Variants in RBM6 observed in about 807,000 individuals in gnomAD.
The protein encoded by RBM6 is RNA binding motif protein 6.
A neutral mutation model predicts 140.4 loss-of-function variants in RBM6; 23 were observed. The ratio of observed to expected loss-of-function variants is 0.16; its 90% CI spans 0.12 to 0.23. RBM6 has a LOEUF of 0.23. RBM6 is among the 10% of genes least tolerant of loss of function. The pLI is 1.00. For synonymous variants in RBM6, 439 were observed against 475.6 expected, an observed-to-expected ratio of 0.92 and a Z score of 1.00; for missense variants, 1,139 against 1,386.7, an observed-to-expected ratio of 0.82 and a Z score of 2.84.
chr3:50,038,895 A>G (rs975869864), intron 6 of RBM6, among the ~76,000 whole-genome samples: 3 of 152,174 alleles, frequency 2.0e-5, no homozygotes, highest in African/African-American at 7.2e-5. Flanking sequence ...CTCTGTGTTG[A>G]GGTGGGGGAT....
At chr3:50,031,682 A>G (rs1401929084) in intron 6 of RBM6, among the ~76,000 whole-genome samples, 1 of 152,160 alleles carries the variant, frequency 6.6e-6, no homozygotes, top group African/African-American at 2.4e-5. Flanking sequence ...ATACATGTGT[A>G]ACAAACCTGC....
chr3:49,975,270 T>G lies in RBM6; in HGVS notation c.1414-53T>G, dbSNP rs1036366682. ...AAAAACTGTTAGGGAAAATCTGATATTCAGTGTTTGATTATGATTTGTATC... is the reference window on the plus strand; with the variant it reads ...AAAAACTGTTAGGGAAAATCTGATAGTCAGTGTTTGATTATGATTTGTATC... On this transcript the variant is annotated intron_variant, in intron 4 of 20. Coordinates refer to ENST00000266022, the MANE Select transcript of RBM6 (RefSeq NM_005777.3). The G allele has an allele frequency of 3.6e-6, 5 of 1,382,712 alleles. No homozygotes were observed. The African/African-American group carries it at 7.1e-5, about 20-fold the overall frequency. 85.7% of individuals were successfully genotyped at this position (1,382,712 alleles called of 1,614,324 possible). A position where few individuals can be genotyped will look rare whatever the true frequency, so the allele number is the denominator to read the frequency against.
intron 18 of RBM6, among the ~76,000 whole-genome samples, chr3:50,069,884 GTA>G (rs1306976480): frequency 3.9e-5 from 6 of 152,178 alleles, no homozygotes; most frequent in Non-Finnish European, 8.8e-5. Flanking sequence ...CCGAGGGCTT[GTA>G]TAGTGGAGGG....
chr3:49,959,839 A>G (rs1575551332), intron 1 of RBM6, among the ~76,000 whole-genome samples: 1 of 151,932 alleles, frequency 6.6e-6, no homozygotes, highest in Non-Finnish European at 1.5e-5. Context: ...CCCAAAGTGC[A>G]GGGATTACAG....
chr3:50,072,648 A>G (rs2090341680), intron 19 of RBM6, among the ~76,000 whole-genome samples: 1 of 152,204 alleles, frequency 6.6e-6, no homozygotes, highest in Non-Finnish European at 1.5e-5. Flanking sequence ...ATACTTTCTT[A>G]CCAGGTACAG....
rs2089859163 is a variant in RBM6, at chr3:50,059,666, G to A, written c.2148G>A (p.Val716=). ...TTCTATAGGAAGCTCTTCGTGTGGT[G>A]AAGATCTTACAGAACCTTGATCCGC... is the stretch of plus-strand genomic sequence containing the variant. The part of the protein sequence containing the change: ...LDSHAEALRV[V]KILQNLDPPF... Residue 716 remains valine, a synonymous_variant, in exon 11 of 21, where the codon GTG becomes GTA. Transcript: ENST00000266022. The A allele has an allele frequency of 6.2e-7, 1 of 1,613,730 alleles. No individual in the cohort carries two copies. Among genetic ancestry groups the A allele is most frequent in the Non-Finnish European group, 8.5e-7 (1 of 1,179,886 alleles).
chr3:50,029,197 A>G (rs926993564), intron 6 of RBM6, among the ~76,000 whole-genome samples: 9 of 152,234 alleles, frequency 5.9e-5, no homozygotes, highest in African/African-American at 1.9e-4. Flanking sequence ...AAATGATACT[A>G]TCTTCTTGTG....
chr3:49,995,877 G>C (rs1204708273), intron 5 of RBM6, among the ~76,000 whole-genome samples: 1 of 152,062 alleles, frequency 6.6e-6, no homozygotes, highest in African/African-American at 2.4e-5. Context: ...CCTTTTCTGT[G>C]AATTGTAAAA....
At chr3:49,979,153 T>G (rs1321657361) in intron 5 of RBM6, among the ~76,000 whole-genome samples, 1 of 152,148 alleles carries the variant, frequency 6.6e-6, no homozygotes, top group African/African-American at 2.4e-5. Flanking sequence ...TTGAAAACAT[T>G]ATAAAAGAAG....
At chr3:50,032,829 T>TAC (rs1196066799) in intron 6 of RBM6, among the ~76,000 whole-genome samples, 2 of 150,226 alleles carry the variant, frequency 1.3e-5, no homozygotes, top group Non-Finnish European at 3.0e-5. Context: ...CTACTAAAAA[T>TAC]ACAAAATTAG....
chr3:50,034,264 G>A (rs768792312), intron 6 of RBM6, among the ~76,000 whole-genome samples: 3 of 151,944 alleles, frequency 2.0e-5, no homozygotes, highest in Non-Finnish European at 4.4e-5. Flanking sequence ...GATTACAAGC[G>A]TGAGCCATCA....
intron 6 of RBM6, among the ~76,000 whole-genome samples, chr3:50,036,590 T>C (rs963675758): frequency 1.2e-4 from 19 of 152,190 alleles, no homozygotes; most frequent in African/African-American, 4.3e-4. Flanking sequence ...GCTCAGTAAA[T>C]GCTGCTTTCC....
intron 2 of RBM6, 90 bp downstream of exon 2, chr3:49,962,775 C>T: frequency 7.8e-7 from 1 of 1,278,878 alleles, no homozygotes. Context: ...GATATTTTCT[C>T]TGTGGAGAAA....
chr3:50,039,301 A>T (rs2526749), intron 6 of RBM6, among the ~76,000 whole-genome samples: 4 of 151,840 alleles, frequency 2.6e-5, no homozygotes, highest in Admixed American at 6.6e-5. Context: ...GTGCAATCAC[A>T]CAATCTCGGC....
intron 6 of RBM6, among the ~76,000 whole-genome samples, chr3:50,024,758 C>A (rs1383949827): frequency 6.6e-6 from 1 of 152,060 alleles, no homozygotes; most frequent in African/African-American, 2.4e-5. Flanking sequence ...TCAAGACCAT[C>A]CTGGCTAACA....
chr3:49,976,145 G>C (rs1273020770), intron 5 of RBM6, among the ~76,000 whole-genome samples: 1 of 152,062 alleles, frequency 6.6e-6, no homozygotes, highest in African/African-American at 2.4e-5. Flanking sequence ...ATTTTAAATG[G>C]AAGGGAATAG....
At chr3:49,978,201 A>C (rs935797365) in intron 5 of RBM6, among the ~76,000 whole-genome samples, 1 of 152,014 alleles carries the variant, frequency 6.6e-6, no homozygotes, top group Admixed American at 6.6e-5. Flanking sequence ...CGGTCTCACT[A>C]TGTTTCCCAG....
At chr3:50,000,543 CCT>C (rs2086278720) in intron 6 of RBM6, among the ~76,000 whole-genome samples, 1 of 151,776 alleles carries the variant, frequency 6.6e-6, no homozygotes. Context: ...GTCTCAGCCC[CCT>C]GAGTAGCTGG....
intron 5 of RBM6, among the ~76,000 whole-genome samples, chr3:49,993,196 T>C (rs1248479826): frequency 6.6e-6 from 1 of 152,204 alleles, no homozygotes; most frequent in Non-Finnish European, 1.5e-5. Flanking sequence ...GGCGAGTGTT[T>C]CCTAACAAAT....
Sources: allele counts gnomAD v4.1 joint callset (sites outside exome capture counted in the v4.1 genomes callset), GRCh38; gene constraint gnomAD v4.1.1; transcripts MANE v1.5; gene names NCBI Gene and HGNC (gene_info 2026-07-23, HGNC 2026-07-21).